Variants in ELMO1 observed in about 807,000 individuals in gnomAD.
The protein encoded by ELMO1 is engulfment and cell motility 1.
Under a neutral mutation model 98.9 loss-of-function variants are expected in ELMO1, and 26 were observed. That is an observed-to-expected ratio of 0.26 (90% CI 0.19 to 0.36). The LOEUF (loss-of-function observed/expected upper bound fraction) is 0.36. ELMO1 is among the 10% of genes least tolerant of loss of function. The pLI, the probability that ELMO1 is intolerant of heterozygous loss-of-function variation, is 1.00. For missense variants in ELMO1, 627 were observed against 935.2 expected (o/e 0.67, Z 4.30); for synonymous variants, 346 against 346.0 (o/e 1.00, Z 0.00).
At chr7:37,102,228 T>C (rs1784684960) in intron 14 of ELMO1, among the ~76,000 whole-genome samples, 1 of 152,120 alleles carries the variant, frequency 6.6e-6, no homozygotes, top group Non-Finnish European at 1.5e-5. Flanking sequence ...CATTCTCCCT[T>C]GGTGCCAATG....
chr7:37,055,820 T>C (rs1408621479), intron 15 of ELMO1, among the ~76,000 whole-genome samples: 1 of 152,168 alleles, frequency 6.6e-6, no homozygotes, highest in Admixed American at 6.5e-5. Context: ...CCACGCACCC[T>C]GGAGTTACAC....
rs1306218387 is a variant in ELMO1 at position 37,003,685 on chromosome 7, G to C, written c.1437+9614C>G. Among the ~76,000 whole-genome samples, 4 of 152,144 alleles carry C rather than the reference G, an allele frequency of 2.6e-5. No homozygotes were observed. In the East Asian group the frequency reaches 7.7e-4, roughly 29 times the overall value. ...ATTAGAGGTTGAATATGCATATGAA[G>C]TTGAATATGCATGTTTTATGATTTA... On this transcript the variant is annotated intron_variant, in intron 16 of 21. Coordinates refer to ENST00000310758, the MANE Select transcript of ELMO1 (RefSeq NM_014800.11).
chr7:36,916,957 A>ACT (rs1410113151), intron 16 of ELMO1, among the ~76,000 whole-genome samples: 1 of 152,226 alleles, frequency 6.6e-6, no homozygotes, highest in Non-Finnish European at 1.5e-5. Flanking sequence ...TGTAATTTCA[A>ACT]CCAGCCTGGC....
At chr7:37,370,460 G>A (rs1802073189) in intron 1 of ELMO1, among the ~76,000 whole-genome samples, 1 of 152,014 alleles carries the variant, frequency 6.6e-6, no homozygotes, top group African/African-American at 2.4e-5. Flanking sequence ...TTGTTATAAA[G>A]GTGTGGGCTA....
At chr7:37,217,672 G>A in intron 10 of ELMO1, 1 of 456,846 alleles carries the variant, frequency 2.2e-6, no homozygotes, top group Non-Finnish European at 4.4e-6. Flanking sequence ...AGGAGAGCAG[G>A]GCCCACTTTA....
intron 15 of ELMO1, among the ~76,000 whole-genome samples, chr7:37,043,222 T>C (rs1377625670): frequency 1.3e-5 from 2 of 152,200 alleles, no homozygotes; most frequent in Non-Finnish European, 2.9e-5. Flanking sequence ...TAGAACTGTC[T>C]TGTCTCAGCT....
intron 15 of ELMO1, among the ~76,000 whole-genome samples, chr7:37,053,955 C>T (rs1031100059): frequency 3.9e-5 from 6 of 152,228 alleles, no homozygotes; most frequent in East Asian, 1.9e-4. Flanking sequence ...GAAATAAATA[C>T]TCCTCTTGGT....
At chr7:37,148,392 C>A (rs944225421) in intron 13 of ELMO1, among the ~76,000 whole-genome samples, 2 of 152,172 alleles carry the variant, frequency 1.3e-5, no homozygotes, top group African/African-American at 4.8e-5. Flanking sequence ...AAATAATACT[C>A]TTTTAAATTT....
At chr7:37,317,872 A>G (rs1357743892) in intron 2 of ELMO1, among the ~76,000 whole-genome samples, 1 of 152,252 alleles carries the variant, frequency 6.6e-6, no homozygotes, top group Non-Finnish European at 1.5e-5. Flanking sequence ...CGGGATAGAT[A>G]CATCATTTTC....
chr7:37,132,016 T>C (rs566375360), intron 14 of ELMO1, among the ~76,000 whole-genome samples: 42 of 152,204 alleles, frequency 2.8e-4, no homozygotes, highest in Non-Finnish European at 5.4e-4. Flanking sequence ...CCACTAGGCA[T>C]GGTGACAACT....
At chr7:37,411,204 G>T (rs1803980591) in intron 1 of ELMO1, among the ~76,000 whole-genome samples, 1 of 152,184 alleles carries the variant, frequency 6.6e-6, no homozygotes, top group Admixed American at 6.5e-5. Flanking sequence ...ATTGTTAGTG[G>T]ATAAATTCAA....
intron 16 of ELMO1, among the ~76,000 whole-genome samples, chr7:36,931,506 C>T (rs113247849): frequency 2.0e-5 from 3 of 152,268 alleles, no homozygotes; most frequent in Non-Finnish European, 2.9e-5. Context: ...GAGGTTGAGG[C>T]GTGAGAATCT....
chr7:37,225,142 A>C, intron 8 of ELMO1, 112 bp from the exon 9 acceptor site: 1 of 1,293,782 alleles, frequency 7.7e-7, no homozygotes, highest in Middle Eastern at 1.9e-4. Flanking sequence ...CCAGGCACTG[A>C]GGATGACCTG....
chr7:37,448,327 C>T (rs1346658464), intron 1 of ELMO1, among the ~76,000 whole-genome samples: 8 of 148,318 alleles, frequency 5.4e-5, no homozygotes. Flanking sequence ...AGACCCTGGT[C>T]GAAATGTCTC....
intron 13 of ELMO1, among the ~76,000 whole-genome samples, chr7:37,158,541 C>A (rs1295431547): frequency 6.6e-6 from 1 of 152,088 alleles, no homozygotes; most frequent in Non-Finnish European, 1.5e-5. Context: ...CAGCCAACAG[C>A]CATATGAAAA....
chr7:37,415,696 G>A (rs918375256), intron 1 of ELMO1, among the ~76,000 whole-genome samples: 1 of 152,140 alleles, frequency 6.6e-6, no homozygotes, highest in Non-Finnish European at 1.5e-5. Flanking sequence ...AATAATTAAT[G>A]CATGAAAAAA....
At chr7:36,896,669 G>T (rs1378874370) in intron 16 of ELMO1, among the ~76,000 whole-genome samples, 1 of 59,162 alleles carries the variant, frequency 1.7e-5, no homozygotes, top group African/African-American at 6.7e-5. Context: ...AGATCTGCTG[G>T]TTTTTTGTTT....
At chr7:37,193,771 C>G (rs1791795755) in intron 13 of ELMO1, among the ~76,000 whole-genome samples, 1 of 152,184 alleles carries the variant, frequency 6.6e-6, no homozygotes, top group African/African-American at 2.4e-5. Context: ...CATCCTCTTT[C>G]CAGTTTTCTC....
intron 19 of ELMO1, among the ~76,000 whole-genome samples, chr7:36,873,050 G>A (rs1179334646): frequency 1.3e-5 from 2 of 152,094 alleles, no homozygotes; most frequent in Non-Finnish European, 2.9e-5. Context: ...TTTTCACTAG[G>A]TTTTGTGGAA....
Sources: gnomAD v4.1 joint callset for allele counts (sites outside exome capture counted in the v4.1 genomes callset) on GRCh38, gnomAD v4.1.1 for gene constraint, MANE v1.5 for transcripts, NCBI Gene and HGNC (gene_info 2026-07-23, HGNC 2026-07-21) for gene names.